The following GABRB1 variants were observed in gnomAD, a reference collection of about 807,000 sequenced individuals.
GABRB1 encodes the protein gamma-aminobutyric acid type A receptor subunit beta1.
A neutral mutation model predicts 51.6 loss-of-function variants in GABRB1; 17 were observed. The ratio of observed to expected loss-of-function variants is 0.33; its 90% CI spans 0.23 to 0.49. The LOEUF is 0.49. GABRB1 is among the 20% of genes least tolerant of loss of function. The pLI, the probability that GABRB1 is intolerant of heterozygous loss-of-function variation, is 0.99. For missense variants in GABRB1, 410 were observed against 600.6 expected (o/e 0.68, Z 3.32); for synonymous variants, 247 against 218.9 (o/e 1.13, Z -1.14).
rs1200295849 is a variant in GABRB1 at position 47,199,698 on chromosome 4, G to A, written c.461+38229G>A. On this transcript the variant is annotated intron_variant, in intron 4 of 8. Transcript: ENST00000295454. ...AGATGGGTAGGTGTATGTGGTCTGC[G>A]AGCATGTGCAAGTTCTCTTTTAATG... is the stretch of plus-strand genomic sequence containing the variant. Among the ~76,000 whole-genome samples, 4 of 152,098 alleles carry A rather than the reference G, an allele frequency of 2.6e-5. No individual in the cohort carries two copies. The East Asian group carries it at 5.8e-4, about 22-fold the overall frequency.
In GABRB1 at chr4:47,031,683, G is replaced by A; in HGVS notation, c.32G>A (p.Gly11Glu). 6.2e-7 allele frequency: 1 copy of A among 1,613,788 alleles called. No homozygotes were observed. Among genetic ancestry groups the A allele is most frequent in the Non-Finnish European group, 8.5e-7 (1 of 1,179,718 alleles). ...ACAGTACAAAATCGAGAGAGTCTGG[G>A]GCTTCTCTCTTTCCCTGTGATGATT... MWTVQNRESL[G>E]LLSFPVMITM... The change falls in exon 1 of 9, where the codon GGG (glycine) becomes GAG (glutamate). Residue 11 changes from glycine (G) to glutamate (E), a missense_variant. By Grantham distance (98) the Gly-to-Glu change is moderately conservative. This residue lies in a region of GABRB1 where 56 missense variants were observed against 54.8 expected (regional missense o/e 1.02). Coordinates refer to ENST00000295454, the MANE Select transcript of GABRB1 (RefSeq NM_000812.4).
intron 3 of GABRB1, among the ~76,000 whole-genome samples, chr4:47,130,409 G>C (rs369219943): frequency 6.7e-6 from 1 of 150,102 alleles, no homozygotes; most frequent in African/African-American, 2.5e-5. Flanking sequence ...AAAATACAAT[G>C]TTCCTGGAAA....
intron 4 of GABRB1, among the ~76,000 whole-genome samples, chr4:47,202,580 G>T (rs1248177320): frequency 1.3e-5 from 2 of 152,020 alleles, no homozygotes. Context: ...TAGTCAACTG[G>T]TTCCCACAGA....
At chr4:47,031,347 C>A, upstream of GABRB1, 1 of 396,600 alleles carries the variant, frequency 2.5e-6, no homozygotes, top group Admixed American at 4.1e-5. Context: ...ATGAAATCAA[C>A]ATAGCAACCT....
At chr4:47,264,106 C>T (rs1221585455) in intron 4 of GABRB1, among the ~76,000 whole-genome samples, 3 of 152,110 alleles carry the variant, frequency 2.0e-5, no homozygotes, top group Admixed American at 6.6e-5. Context: ...CACCCCACTT[C>T]GCTCCAGCCT....
At chr4:47,299,201 A>G (rs1239665552) in intron 4 of GABRB1, among the ~76,000 whole-genome samples, 1 of 152,190 alleles carries the variant, frequency 6.6e-6, no homozygotes, top group Non-Finnish European at 1.5e-5. Flanking sequence ...TGTCTAAAAC[A>G]CCAAAAGCAA....
intron 3 of GABRB1, among the ~76,000 whole-genome samples, chr4:47,061,833 T>C (rs181661257): frequency 6.6e-6 from 1 of 152,316 alleles, no homozygotes; most frequent in East Asian, 1.9e-4. Flanking sequence ...CTTTTGGTCA[T>C]CTTGTGATGT....
At chr4:47,238,145 G>T (rs1360405168) in intron 4 of GABRB1, among the ~76,000 whole-genome samples, 1 of 151,950 alleles carries the variant, frequency 6.6e-6, no homozygotes, top group Non-Finnish European at 1.5e-5. Context: ...AAATGGATAT[G>T]CCTGAACATG....
At chr4:47,209,799 TA>T (rs74761348) in intron 4 of GABRB1, among the ~76,000 whole-genome samples, 22,104 of 145,312 alleles carry the variant, frequency 0.15, 2,034 homozygotes, top group East Asian at 0.32. Flanking sequence ...GGTACTTTAG[TA>T]AAAAAAAAAA....
intron 5 of GABRB1, among the ~76,000 whole-genome samples, chr4:47,395,641 C>T (rs6814130): frequency 0.54 from 81,734 of 152,068 alleles, 23,587 homozygotes; most frequent in African/African-American, 0.73. Flanking sequence ...CATAGGATGC[C>T]AAGATTTCCT....
chr4:47,008,852 C>CTTTTTTTTTTTTTTTTTTTTTTTTTTTTT lies in GABRB1; in HGVS notation c.-20+14926_-20+14927insTTTTTTTTTTTTTTTTTTTTTTTTTTTTT. On this transcript the variant is annotated intron_variant, in intron 1 of 3. Transcript: ENST00000513567. The stretch of plus-strand genomic sequence containing the variant: ...CACCCTGTCACGCTATCAGATACTA[C>CTTTTTTTTTTTTTTTTTTTTTTTTTTTTT]CTTTTTTTTTTTTTTTTTTTTTTTT... Among the ~76,000 whole-genome samples the CTTTTTTTTTTTTTTTTTTTTTTTTTTTTT allele has an allele frequency of 5.3e-3, 302 of 56,486 alleles. 145 individuals are homozygous for CTTTTTTTTTTTTTTTTTTTTTTTTTTTTT. Among genetic ancestry groups the CTTTTTTTTTTTTTTTTTTTTTTTTTTTTT allele is most frequent in the African/African-American group, 0.01 (134 of 12,890 alleles). The allele number at this position is 56,486 out of a possible 152,430, so 37.1% of individuals were successfully genotyped here. A position where few individuals can be genotyped will look rare whatever the true frequency, so the allele number is the denominator to read the frequency against.
intron 4 of GABRB1, among the ~76,000 whole-genome samples, chr4:47,172,843 T>C (rs921763876): frequency 2.0e-5 from 3 of 152,034 alleles, no homozygotes; most frequent in Non-Finnish European, 4.4e-5. Flanking sequence ...AGTTTCACCA[T>C]GTTGGCCAGG....
rs182888203 is a variant in GABRB1 at position 47,334,593 on chromosome 4, C to A, written c.544+14384C>A. 1.1e-3 allele frequency among the ~76,000 whole-genome samples: 171 copies of A among 152,220 alleles called. 1 individual carries two copies. The highest frequency in any genetic ancestry group is 3.9e-3 in the African/African-American group (162 of 41,546). On this transcript the variant is annotated intron_variant, in intron 5 of 8. Coordinates refer to ENST00000295454, the MANE Select transcript of GABRB1 (RefSeq NM_000812.4). ...GCAAATATTTTCTATGTAGAAAGGA[C>A]TTATTTTAACAAAGAAAAAATTTTA... is the stretch of plus-strand genomic sequence containing the variant.
intron 4 of GABRB1, among the ~76,000 whole-genome samples, chr4:47,282,201 A>C (rs1006554382): frequency 1.3e-5 from 2 of 152,242 alleles, no homozygotes; most frequent in African/African-American, 4.8e-5. Context: ...ATATTTAATC[A>C]TACTTCACTA....
intron 5 of GABRB1, among the ~76,000 whole-genome samples, chr4:47,348,482 T>G (rs1691772221): frequency 6.6e-6 from 1 of 152,206 alleles, no homozygotes; most frequent in South Asian, 2.1e-4. Flanking sequence ...ACCTCCAGCA[T>G]GTATGTATAT....
intron 5 of GABRB1, among the ~76,000 whole-genome samples, chr4:47,393,836 A>C (rs6825556): frequency 6.6e-6 from 1 of 152,048 alleles, no homozygotes. Flanking sequence ...GTAAGGCCAC[A>C]CCTAACCCAC....
chr4:47,376,866 T>G (rs1727400555), intron 5 of GABRB1, among the ~76,000 whole-genome samples: 1 of 152,212 alleles, frequency 6.6e-6, no homozygotes, highest in Non-Finnish European at 1.5e-5. Context: ...AAGGATTTAT[T>G]AGAATACAAA....
At chr4:47,279,176 T>C (rs1403935604) in intron 4 of GABRB1, among the ~76,000 whole-genome samples, 2 of 151,986 alleles carry the variant, frequency 1.3e-5, no homozygotes, top group Non-Finnish European at 2.9e-5. Context: ...CAAACATAGA[T>C]GGAATATTTC....
chr4:47,323,472 T>TA (rs1258764213), intron 5 of GABRB1, among the ~76,000 whole-genome samples: 1 of 39,772 alleles, frequency 2.5e-5, no homozygotes, highest in Non-Finnish European at 4.9e-5. Flanking sequence ...TATTCATGTA[T>TA]TTTTTTAACT....
Sources: allele counts gnomAD v4.1 joint callset (sites outside exome capture counted in the v4.1 genomes callset), GRCh38; gene constraint gnomAD v4.1.1; regional missense constraint gnomAD v4.1.1; transcripts MANE v1.5; gene names NCBI Gene and HGNC (gene_info 2026-07-23, HGNC 2026-07-21).